The following PRKAR1A variants were observed in gnomAD, a reference collection of about 807,000 sequenced individuals.
PRKAR1A encodes protein kinase cAMP-dependent type I regulatory subunit alpha, also known as cAMP-dependent protein kinase type I-alpha regulatory subunit.
Under a neutral mutation model 52.0 loss-of-function variants are expected in PRKAR1A, and 3 were observed. That is an observed-to-expected ratio of 0.06 (90% CI 0.03 to 0.15). The LOEUF (loss-of-function observed/expected upper bound fraction) is 0.15. Among genes scored for constraint, PRKAR1A ranks in the 10% least tolerant of loss-of-function variants. PRKAR1A has a pLI of 1.00. For synonymous variants in PRKAR1A, 188 were observed against 168.4 expected (o/e 1.12, Z -0.90); for missense variants, 240 against 477.4 (o/e 0.50, Z 4.63).
chr17:68,427,357 G>C, the PRKAR1A span: 18 of 867,888 alleles, frequency 2.1e-5, no homozygotes, highest in Admixed American at 6.7e-5. Flanking sequence ...CAGCTCTGTG[G>C]GTTATTTATT....
chr17:68,458,238 T>G, the PRKAR1A span, among the ~76,000 whole-genome samples: 6 of 152,160 alleles, frequency 3.9e-5, no homozygotes, highest in Admixed American at 1.3e-4. Flanking sequence ...CTTATAAAAC[T>G]TGTGTGGAAA....
At chr17:68,467,531 AC>A in the PRKAR1A span, among the ~76,000 whole-genome samples, 32 of 152,164 alleles carry the variant, frequency 2.1e-4, no homozygotes, top group Non-Finnish European at 4.4e-4. Context: ...AACCCTTGGG[AC>A]ATCTAACCAG....
chr17:68,417,733 ATTTTTTTTTTTTTTTTTTTT>A, the PRKAR1A span, among the ~76,000 whole-genome samples: 3 of 60,834 alleles, frequency 4.9e-5, no homozygotes, highest in Non-Finnish European at 8.7e-5. Context: ...GAGTTGCTGA[ATTTTTTTTTTTTTTTTTTTT>A]TTTTTTTTTT....
chr17:68,475,081 G>C, the PRKAR1A span, among the ~76,000 whole-genome samples: 1 of 152,144 alleles, frequency 6.6e-6, no homozygotes, highest in African/African-American at 2.4e-5. Flanking sequence ...AATCGATAAA[G>C]AGGGAAAATA....
chr17:68,429,897 G>A, the PRKAR1A span: 20 of 1,569,806 alleles, frequency 1.3e-5, no homozygotes, highest in Non-Finnish European at 1.7e-5. Context: ...CCTGGGGCAA[G>A]TTTTCTTTTT....
chr17:68,467,300 C>T, the PRKAR1A span, among the ~76,000 whole-genome samples: 4 of 152,156 alleles, frequency 2.6e-5, no homozygotes, highest in African/African-American at 9.7e-5. Context: ...GCTGGGTCAC[C>T]TGGTAATTCT....
intron 11 of PRKAR1A, chr17:68,541,426 T>A (rs1349861351): frequency 4.7e-6 from 1 of 214,178 alleles, no homozygotes. Flanking sequence ...CAGAGTCCCT[T>A]AGGATCTGTC....
chr17:68,506,110 A>G, the PRKAR1A span, among the ~76,000 whole-genome samples: 1 of 152,210 alleles, frequency 6.6e-6, no homozygotes, highest in Non-Finnish European at 1.5e-5. Context: ...TACAATAACC[A>G]AACTGAGAAG....
At chr17:68,493,827 C>T in the PRKAR1A span, among the ~76,000 whole-genome samples, 1 of 152,116 alleles carries the variant, frequency 6.6e-6, no homozygotes, top group Admixed American at 6.6e-5. Context: ...CTCCTGACCT[C>T]ATGATCTGCC....
At chr17:68,422,435 A>C in the PRKAR1A span, 2 of 125,904 alleles carry the variant, frequency 1.6e-5, no homozygotes, top group Admixed American at 1.6e-4. Context: ...TCTCAAAAAA[A>C]AAAAAGTCAG....
the PRKAR1A span, among the ~76,000 whole-genome samples, chr17:68,476,962 G>T: frequency 2.0e-5 from 3 of 152,012 alleles, no homozygotes; most frequent in Non-Finnish European, 4.4e-5. Context: ...GCTCGGCCGA[G>T]ATTTCTACTT....
At chr17:68,457,275 G>A in the PRKAR1A span, 12 of 1,520,242 alleles carry the variant, frequency 7.9e-6, no homozygotes, top group Middle Eastern at 1.7e-4. Flanking sequence ...GCTGCTCTCA[G>A]GACGACACCC....
At chr17:68,525,167 G>C (rs1437813655) in intron 6 of PRKAR1A, among the ~76,000 whole-genome samples, 2 of 151,882 alleles carry the variant, frequency 1.3e-5, no homozygotes, top group Admixed American at 6.6e-5. Context: ...TGGTGAAGAA[G>C]TGTGTGTAGC....
chr17:68,418,234 T>TGAGCGACGCAG, the PRKAR1A span, among the ~76,000 whole-genome samples: 1 of 152,216 alleles, frequency 6.6e-6, no homozygotes, highest in Admixed American at 6.5e-5. Flanking sequence ...CACTGGCAGC[T>TGAGCGACGCAG]AATCAGTAGT....
intron 5 of PRKAR1A, among the ~76,000 whole-genome samples, chr17:68,524,661 A>G (rs1022363867): frequency 2.8e-5 from 4 of 143,210 alleles, no homozygotes; most frequent in African/African-American, 7.8e-5. Flanking sequence ...ATAGCAGTTA[A>G]TAACTACACA....
At chr17:68,418,262 T>C in the PRKAR1A span, among the ~76,000 whole-genome samples, 3 of 152,224 alleles carry the variant, frequency 2.0e-5, no homozygotes, top group Non-Finnish European at 4.4e-5. Context: ...CTTGAACTTA[T>C]AAAGCCTTAG....
chr17:68,546,528 A>G (rs888087743), intron 11 of PRKAR1A, among the ~76,000 whole-genome samples: 1 of 152,032 alleles, frequency 6.6e-6, no homozygotes, highest in Non-Finnish European at 1.5e-5. Flanking sequence ...TATGAAATGT[A>G]TTTCTTAAAT....
chr17:68,487,797 C>T, the PRKAR1A span, among the ~76,000 whole-genome samples: 1 of 143,544 alleles, frequency 7.0e-6, no homozygotes, highest in Non-Finnish European at 1.5e-5. Context: ...AAGACCTCAT[C>T]TCAGACAAAA....
chr17:68,467,168 G>A, the PRKAR1A span, among the ~76,000 whole-genome samples: 1 of 152,176 alleles, frequency 6.6e-6, no homozygotes, highest in Non-Finnish European at 1.5e-5. Context: ...TCAGCTGAGG[G>A]ACATTTGGGT....
Sources: gnomAD v4.1 joint callset for allele counts (sites outside exome capture counted in the v4.1 genomes callset) on GRCh38, gnomAD v4.1.1 for gene constraint, MANE v1.5 for transcripts, NCBI Gene and HGNC (gene_info 2026-07-23, HGNC 2026-07-21) for gene names.